Variants in CNIH4 observed in about 807,000 individuals in gnomAD.
The protein encoded by CNIH4 is protein cornichon homolog 4.
In CNIH4, 9 loss-of-function variants were observed where a neutral mutation model predicts 21.5. The observed-to-expected ratio is 0.42, with a 90% CI of 0.25 to 0.73. The LOEUF is 0.73. Among genes scored for constraint, CNIH4 ranks in the 30% least tolerant of loss-of-function variants. CNIH4 has a pLI of 0.27. For missense variants in CNIH4, 159 were observed against 170.0 expected, an observed-to-expected ratio of 0.94 and a Z score of 0.36; for synonymous variants, 67 against 59.1, an observed-to-expected ratio of 1.13 and a Z score of -0.61.
chr1:224,368,137 C>A (rs1672519943), intron 3 of CNIH4, among the ~76,000 whole-genome samples: 1 of 152,090 alleles, frequency 6.6e-6, no homozygotes, highest in African/African-American at 2.4e-5. Flanking sequence ...TCGAGACCAG[C>A]CCTGGCTAAC....
At chr1:224,362,329 G>A (rs892999121) in intron 2 of CNIH4, among the ~76,000 whole-genome samples, 1 of 150,600 alleles carries the variant, frequency 6.6e-6, no homozygotes, top group Admixed American at 6.6e-5. Context: ...TGATCTGCCC[G>A]CCTCAGCCTC....
chr1:224,371,196 A>G, intron 3 of CNIH4, 87 bp from the exon 4 acceptor site: 1 of 1,412,036 alleles, frequency 7.1e-7, no homozygotes, highest in Non-Finnish European at 9.7e-7. Flanking sequence ...CACTTTTAAA[A>G]GTCGATTATT....
At position 224,371,299 on chromosome 1, in the gene CNIH4, AGTG is replaced by A; in HGVS notation, c.271_273del (p.Gly91del). 1 of 1,613,860 alleles carries A rather than the reference AGTG, an allele frequency of 6.2e-7. No individual in the cohort carries two copies. Among genetic ancestry groups the A allele is most frequent in the South Asian group, 1.1e-5 (1 of 91,010 alleles). On this transcript the variant is annotated inframe_deletion, in exon 4 of 5. Coordinates refer to ENST00000465271, the MANE Select transcript of CNIH4 (RefSeq NM_014184.4). ...ATTTATCAGATACATTATGGTGCCGAGTGGTAACATGGGAGTGTTTGATCCAAC... is the reference window on the plus strand; with the variant it reads ...ATTTATCAGATACATTATGGTGCCGAGTAACATGGGAGTGTTTGATCCAAC...
Position 224,368,910 on chromosome 1 carries a change from CT to C in CNIH4, c.252-2359del, listed in dbSNP as rs11370391. On this transcript the variant is annotated intron_variant, in intron 3 of 4. Coordinates refer to ENST00000465271, the MANE Select transcript of CNIH4 (RefSeq NM_014184.4). The stretch of plus-strand genomic sequence containing the variant: ...TGCCAACACTTTTTACTGTGTGTGT[CT>C]TTTTTTTTTTTTTGATATCAAAAAA... Among the ~76,000 whole-genome samples the C allele has an allele frequency of 1.4e-3, 200 of 143,112 alleles. 2 individuals carry two copies. The highest frequency in any genetic ancestry group is 3.4e-3 in the East Asian group (17 of 4,954). 93.9% of individuals were successfully genotyped at this position (143,112 alleles called of 152,430 possible). A position where few individuals can be genotyped will look rare whatever the true frequency, so the allele number is the denominator to read the frequency against.
intron 3 of CNIH4, among the ~76,000 whole-genome samples, chr1:224,369,023 T>C (rs1486748275): frequency 1.3e-5 from 2 of 151,984 alleles, no homozygotes; most frequent in East Asian, 3.9e-4. Context: ...CATTAATATA[T>C]GTGCCTCAGC....
chr1:224,376,978 C>G lies in CNIH4; in HGVS notation c.*1156C>G. On this transcript the variant is annotated 3_prime_UTR_variant, in exon 5 of 5. Coordinates refer to ENST00000465271, the MANE Select transcript of CNIH4 (RefSeq NM_014184.4). ...TGGGAGAATCCAAAGGCATTATTCA[C>G]TCTAGTTGAGATAGAATTGGGTGGC... 1.1e-6 allele frequency: 1 copy of G among 922,852 alleles called. No homozygotes were observed. The highest frequency in any genetic ancestry group is 1.3e-6 in the Non-Finnish European group (1 of 772,836). 57.2% of individuals were successfully genotyped at this position (922,852 alleles called of 1,614,324 possible).
chr1:224,375,923 A>G lies in CNIH4; in HGVS notation c.*101A>G, dbSNP rs1672768934. The G allele has an allele frequency of 3.4e-6, 5 of 1,450,706 alleles. No individual in the cohort carries two copies. The highest frequency in any genetic ancestry group is 4.6e-6 in the Non-Finnish European group (5 of 1,093,508). 89.9% of individuals were successfully genotyped at this position (1,450,706 alleles called of 1,614,324 possible). A position where few individuals can be genotyped will look rare whatever the true frequency, so the allele number is the denominator to read the frequency against. On this transcript the variant is annotated 3_prime_UTR_variant, in exon 5 of 5. Coordinates refer to ENST00000465271, the MANE Select transcript of CNIH4 (RefSeq NM_014184.4). ...CTTAGAACCGTGACCATAGCAGTAT[A>G]TATTTTCCTCTTGGAACAAAAAACT...
intron 2 of CNIH4, among the ~76,000 whole-genome samples, chr1:224,363,290 C>T (rs758533595): frequency 1.1e-4 from 16 of 152,158 alleles, no homozygotes; most frequent in Non-Finnish European, 2.1e-4. Context: ...GTGATCTGCT[C>T]TCCTCGGCCT....
At chr1:224,362,381 TTCTCTCTC>T (rs139040394) in intron 2 of CNIH4, among the ~76,000 whole-genome samples, 1 of 149,670 alleles carries the variant, frequency 6.7e-6, no homozygotes, top group Non-Finnish European at 1.5e-5. Flanking sequence ...CTCATTCTCA[TTCTCTCTC>T]TCTCTCTCTC....
At chr1:224,357,960 A>C (rs981888111) in intron 1 of CNIH4, among the ~76,000 whole-genome samples, 3 of 152,218 alleles carry the variant, frequency 2.0e-5, no homozygotes, top group Admixed American at 2.0e-4. Context: ...GGAACTCCGC[A>C]TTTCAGCTTC....
At chr1:224,366,925 T>C (rs1672477893) in intron 3 of CNIH4, among the ~76,000 whole-genome samples, 1 of 149,438 alleles carries the variant, frequency 6.7e-6, no homozygotes, top group Non-Finnish European at 1.5e-5. Flanking sequence ...GTCACGCCAC[T>C]GCAACCAGCC....
rs1342996487 is a variant in CNIH4 at position 224,378,930 on chromosome 1, T to C, written c.*3108T>C. ...AATGCTGAGGCTTAGTCCAGTGTTCTCTCTCCCTTACCACTCCTCTTCCCC... is the reference window on the plus strand; with the variant it reads ...AATGCTGAGGCTTAGTCCAGTGTTCCCTCTCCCTTACCACTCCTCTTCCCC... On this transcript the variant is annotated 3_prime_UTR_variant, in exon 5 of 5. Coordinates refer to ENST00000465271, the MANE Select transcript of CNIH4 (RefSeq NM_014184.4). 2 of 790,154 alleles carry C rather than the reference T, an allele frequency of 2.5e-6. No individual in the cohort carries two copies. Among genetic ancestry groups the C allele is most frequent in the Non-Finnish European group, 4.3e-6 (2 of 464,344 alleles). The allele number at this position is 790,154 out of a possible 1,614,324, so 48.9% of individuals were successfully genotyped here.
At chr1:224,365,838 G>C (rs1308121158) in intron 2 of CNIH4, 41 bp from the exon 3 acceptor site, 1 of 1,104,954 alleles carries the variant, frequency 9.1e-7, no homozygotes, top group African/African-American at 1.5e-5. Flanking sequence ...AGTCAGGAAG[G>C]ACATAGCAGT....
At chr1:224,366,964 GAAAAA>G (rs10707628) in intron 3 of CNIH4, among the ~76,000 whole-genome samples, 1,545 of 88,454 alleles carry the variant, frequency 0.017, 33 homozygotes, top group African/African-American at 0.048. Context: ...TCCGTCTCAA[GAAAAA>G]AAAAAAAAAA....
intron 2 of CNIH4, among the ~76,000 whole-genome samples, chr1:224,360,872 C>T (rs1330062250): frequency 1.3e-5 from 2 of 152,144 alleles, no homozygotes; most frequent in Non-Finnish European, 2.9e-5. Flanking sequence ...GAACTCCCTC[C>T]TCCCACTCAC....
rs1672130094 is a variant in CNIH4 at position 224,356,935 on chromosome 1, T to C, written c.11T>C (p.Val4Ala). ...CGACGGAGGAGGAGGATGGAGGCGGTGGTGTTCGTCTTCTCTCTCCTCGAT... is the reference window on the plus strand; with the variant it reads ...CGACGGAGGAGGAGGATGGAGGCGGCGGTGTTCGTCTTCTCTCTCCTCGAT... MEA[V>A]VFVFSLLDCC... The change falls in exon 1 of 5, where the codon GTG becomes GCG. Residue 4 changes from valine (V) to alanine (A), a missense_variant. Coordinates refer to ENST00000465271, the MANE Select transcript of CNIH4 (RefSeq NM_014184.4). 1.2e-6 allele frequency: 2 copies of C among 1,608,980 alleles called. No homozygotes were observed. Among genetic ancestry groups the C allele is most frequent in the Non-Finnish European group, 8.5e-7 (1 of 1,177,746 alleles).
intron 1 of CNIH4, among the ~76,000 whole-genome samples, chr1:224,359,496 C>G (rs1291391043): frequency 6.6e-6 from 1 of 152,194 alleles, no homozygotes; most frequent in East Asian, 1.9e-4. Flanking sequence ...GCAAGTGATA[C>G]TTGTGTCAGT....
At chr1:224,371,078 T>C (rs923880722) in intron 3 of CNIH4, among the ~76,000 whole-genome samples, 9 of 152,168 alleles carry the variant, frequency 5.9e-5, no homozygotes, top group African/African-American at 2.2e-4. Flanking sequence ...GGTTTCACCA[T>C]GTTGGTCAAG....
Position 224,379,173 on chromosome 1 carries a change from G to A in CNIH4, c.*3351G>A. 1 of 1,446,710 alleles carries A rather than the reference G, an allele frequency of 6.9e-7. No homozygotes were observed. 89.6% of individuals were successfully genotyped at this position (1,446,710 alleles called of 1,614,324 possible). On this transcript the variant is annotated 3_prime_UTR_variant, in exon 5 of 5. Transcript: ENST00000465271. ...CATCAAAGCCTAGCAGGTCCCCTCA[G>A]CTGCCTTTTCATGCCTGCCACAGAC... is the stretch of plus-strand genomic sequence containing the variant.
Sources: gnomAD v4.1 joint callset for allele counts (sites outside exome capture counted in the v4.1 genomes callset) on GRCh38, gnomAD v4.1.1 for gene constraint, MANE v1.5 for transcripts, NCBI Gene and HGNC (gene_info 2026-07-23, HGNC 2026-07-21) for gene names.